Variants in IPO5 observed in about 807,000 individuals in gnomAD.
The protein encoded by IPO5 is importin-5.
Under a neutral mutation model 143.3 loss-of-function variants are expected in IPO5, and 18 were observed. The ratio of observed to expected loss-of-function variants is 0.13; its 90% CI spans 0.09 to 0.19. The LOEUF (loss-of-function observed/expected upper bound fraction) is 0.19. IPO5 is among the 10% of genes least tolerant of loss of function. The pLI is 1.00. For synonymous variants in IPO5, 477 were observed against 465.7 expected (o/e 1.02, Z -0.31); for missense variants, 1,013 against 1,336.9 (o/e 0.76, Z 3.78).
chr13:98,002,735 G>A lies in IPO5; in HGVS notation c.1285G>A (p.Asp429Asn). 1 of 1,612,598 alleles carries A rather than the reference G, an allele frequency of 6.2e-7. No homozygotes were observed. Among genetic ancestry groups the A allele is most frequent in the Non-Finnish European group, 8.5e-7 (1 of 1,179,456 alleles). Residue 429 changes from aspartate to asparagine, a missense_variant, in exon 15 of 29, where the codon GAT becomes AAT. Around this residue, in one of 2 missense-constraint regions of IPO5, gnomAD observed 685 missense variants for 994.9 expected, o/e 0.69. Transcript: ENST00000651721. Reference protein sequence around the residue: ...ACNAVGQMATDFAPGFQKKFH... With the variant: ...ACNAVGQMATNFAPGFQKKFH... ...TAATGCCGTGGGACAGATGGCTACA[G>A]ATTTTGCACCTGGTTTCCAAAAGAA...
intron 25 of IPO5, among the ~76,000 whole-genome samples, chr13:98,017,815 T>G (rs1890228590): frequency 6.6e-6 from 1 of 151,898 alleles, no homozygotes; most frequent in Admixed American, 6.6e-5. Flanking sequence ...TTTGTTTTTT[T>G]GTATTTTTAG....
intron 5 of IPO5, among the ~76,000 whole-genome samples, chr13:97,984,509 G>GT (rs1462701586): frequency 1.3e-4 from 20 of 152,000 alleles, no homozygotes; most frequent in African/African-American, 4.4e-4. Context: ...TTGCACATGA[G>GT]TTTTAACCAC....
Position 98,021,817 on chromosome 13 carries a change from G to A in IPO5, c.3289G>A (p.Ala1097Thr). 1 of 1,599,398 alleles carries A rather than the reference G, an allele frequency of 6.3e-7. No individual in the cohort carries two copies. Among genetic ancestry groups the A allele is most frequent in the Non-Finnish European group, 8.6e-7 (1 of 1,168,714 alleles). ...CGCCATTCAGGAGCTCCTGAACTCT[G>A]CGTGAAGGGCCTTAATGTCACCCAC... is the stretch of plus-strand genomic sequence containing the variant. ...QAAIQELLNS[A>T] The change falls in exon 29 of 29, where the codon GCG becomes ACG. Residue 1097 changes from alanine to threonine, a missense_variant. Physicochemically the swap from Ala to Thr is moderately conservative, Grantham distance 58 (BLOSUM62 0). Around this residue, in one of 2 missense-constraint regions of IPO5, gnomAD observed 685 missense variants for 994.9 expected, o/e 0.69. Transcript: ENST00000651721.
In IPO5 at chr13:98,010,177, A is replaced by G; in HGVS notation, c.2008A>G (p.Ile670Val). The G allele has an allele frequency of 6.2e-7, 1 of 1,614,148 alleles. No individual in the cohort carries two copies. The highest frequency in any genetic ancestry group is 1.3e-5 in the African/African-American group (1 of 75,058). Reference protein sequence around the residue: ...VNLGDQQSFGIKTAGLEEKST... With the variant: ...VNLGDQQSFGVKTAGLEEKST... ...CCTTGGAGATCAGCAAAGCTTTGGT[A>G]TTAAAACTGCAGGACTAGAAGAAAA... is the stretch of plus-strand genomic sequence containing the variant. The change falls in exon 20 of 29, where the codon ATT (isoleucine) becomes GTT (valine). Residue 670 changes from isoleucine to valine, a missense_variant. By Grantham distance (29) the Ile-to-Val change is conservative. This residue lies in a region of IPO5 where 685 missense variants were observed against 994.9 expected (regional missense o/e 0.69). Transcript: ENST00000651721.
At chr13:97,973,656 T>C (rs1331115113) in intron 3 of IPO5, among the ~76,000 whole-genome samples, 1 of 152,218 alleles carries the variant, frequency 6.6e-6, no homozygotes, top group African/African-American at 2.4e-5. Context: ...ATATTTAAAA[T>C]GTTAAAATAA....
At chr13:98,009,497 T>C (rs1889532452) in intron 18 of IPO5, among the ~76,000 whole-genome samples, 1 of 152,260 alleles carries the variant, frequency 6.6e-6, no homozygotes, top group South Asian at 2.1e-4. Flanking sequence ...CAGAGTCAGA[T>C]AAAATACATT....
chr13:97,974,458 C>T (rs561104625), intron 3 of IPO5, among the ~76,000 whole-genome samples: 8 of 151,944 alleles, frequency 5.3e-5, no homozygotes, highest in African/African-American at 1.7e-4. Flanking sequence ...AGGCGCCCAC[C>T]ACCACCACAC....
chr13:97,977,442 C>G (rs930220441), intron 4 of IPO5, among the ~76,000 whole-genome samples: 1 of 152,288 alleles, frequency 6.6e-6, no homozygotes, highest in South Asian at 2.1e-4. Context: ...CCACCTTACT[C>G]TGGGCTTATA....
In IPO5 at chr13:97,993,130, A is replaced by G. The variant is rs1185822217; in HGVS notation, c.818A>G (p.Asn273Ser). Reference protein sequence around the residue: ...LKLCGDTSLNNMQRQLALEVI... With the variant: ...LKLCGDTSLNSMQRQLALEVI... ...TTGTGTGGAGACACTAGCCTCAACA[A>G]TATGCAACGCCAGCTTGCCCTTGAA... is the stretch of plus-strand genomic sequence containing the variant. The change falls in exon 11 of 29, where the codon AAT (asparagine) becomes AGT (serine). Residue 273 changes from asparagine (N) to serine (S), a missense_variant. By Grantham distance (46) the Asn-to-Ser change is conservative (BLOSUM62 1). Transcript: ENST00000651721. The G allele has an allele frequency of 1.2e-6, 2 of 1,614,136 alleles. No homozygotes were observed. The highest frequency in any genetic ancestry group is 1.7e-6 in the Non-Finnish European group (2 of 1,179,964).
intron 22 of IPO5, 52 bp from the exon 23 acceptor site, chr13:98,015,478 A>G: frequency 1.0e-6 from 1 of 990,188 alleles, no homozygotes; most frequent in Admixed American, 2.2e-5. Context: ...TTAACTTTGG[A>G]CTCCAAACAC....
intron 11 of IPO5, among the ~76,000 whole-genome samples, chr13:97,994,268 A>G (rs1290373883): frequency 6.6e-6 from 1 of 152,192 alleles, no homozygotes; most frequent in Admixed American, 6.5e-5. Context: ...AGACCATGCC[A>G]TTGCACTCCA....
rs758542306 is a variant in IPO5 at position 97,993,109 on chromosome 13, G to A, written c.797G>A (p.Cys266Tyr). Residue 266 changes from cysteine to tyrosine, a missense_variant, in exon 11 of 29, where the codon TGT (cysteine) becomes TAT (tyrosine). Physicochemically the swap from Cys to Tyr is radical, Grantham distance 194. Transcript: ENST00000651721. Reference sequence around the variant, plus strand: ...ACAAATATGTCTTCTTTGTAGTTGTGTGGAGACACTAGCCTCAACAATATG... The same window carrying A: ...ACAAATATGTCTTCTTTGTAGTTGTATGGAGACACTAGCCTCAACAATATG... ...EATLQLSLKL[C>Y]GDTSLNNMQR... 3 of 1,613,934 alleles carry A rather than the reference G, an allele frequency of 1.9e-6. No individual in the cohort carries two copies. The highest frequency in any genetic ancestry group is 1.7e-6 in the Non-Finnish European group (2 of 1,179,964).
chr13:98,010,651 GAT>G (rs1038755525), intron 20 of IPO5, among the ~76,000 whole-genome samples: 1 of 152,080 alleles, frequency 6.6e-6, no homozygotes, highest in Non-Finnish European at 1.5e-5. Context: ...TAAAAAAACA[GAT>G]ATGGCAGGAA....
chr13:98,000,717 TTAGAC>T, intron 13 of IPO5, 72 bp downstream of exon 13: 1 of 937,710 alleles, frequency 1.1e-6, no homozygotes, highest in East Asian at 2.4e-5. Context: ...TAAGATATGT[TTAGAC>T]TGTTAAAAAT....
chr13:98,009,040 A>G (rs1372661805), intron 18 of IPO5, among the ~76,000 whole-genome samples: 2 of 152,232 alleles, frequency 1.3e-5, no homozygotes, highest in African/African-American at 2.4e-5. Context: ...GACTGCTGAC[A>G]GTAGGGAGAC....
rs1333711762 is a variant in IPO5, at chr13:98,010,107, A to C, written c.1938A>C (p.Gln646His). The change falls in exon 20 of 29, where the codon CAA (glutamine) becomes CAC (histidine). Residue 646 changes from glutamine (Q) to histidine (H), a missense_variant. This residue lies in a region of IPO5 where 685 missense variants were observed against 994.9 expected (regional missense o/e 0.69). Coordinates refer to ENST00000651721, the MANE Select transcript of IPO5 (RefSeq NM_002271.6). Reference sequence around the variant, plus strand: ...TGTTTTCTTCTCCGTTAATAGCCCAAGACATGGAGAATATGAGTGATGATG... The same window carrying C: ...TGTTTTCTTCTCCGTTAATAGCCCACGACATGGAGAATATGAGTGATGATG... ...IKPEVALLDT[Q>H]DMENMSDDDG... The C allele has an allele frequency of 6.2e-7, 1 of 1,613,970 alleles. No homozygotes were observed. The highest frequency in any genetic ancestry group is 1.7e-5 in the Admixed American group (1 of 60,002).
chr13:98,015,368 C>T (rs992973498), intron 22 of IPO5, among the ~76,000 whole-genome samples, 162 bp from the exon 23 acceptor site: 1 of 152,062 alleles, frequency 6.6e-6, no homozygotes, highest in African/African-American at 2.4e-5. Flanking sequence ...ACTCCAATCT[C>T]TAAAATGCTG....
chr13:97,979,314 T>TA (rs1472732031), intron 4 of IPO5, among the ~76,000 whole-genome samples: 2 of 152,228 alleles, frequency 1.3e-5, no homozygotes, highest in African/African-American at 4.8e-5. Context: ...CAAATATGGT[T>TA]ATATATTTGG....
intron 21 of IPO5, among the ~76,000 whole-genome samples, chr13:98,012,876 G>A (rs1384752132): frequency 6.8e-6 from 1 of 147,130 alleles, no homozygotes; most frequent in African/African-American, 2.5e-5. Flanking sequence ...AAACTCCTGG[G>A]CTCAAGCAGT....
Sources: gnomAD v4.1 joint callset for allele counts (sites outside exome capture counted in the v4.1 genomes callset) on GRCh38, gnomAD v4.1.1 for gene constraint, gnomAD v4.1.1 regional missense constraint, MANE v1.5 for transcripts, NCBI Gene and HGNC (gene_info 2026-07-23, HGNC 2026-07-21) for gene names.